The following STIP1 variants were observed in gnomAD, a reference collection of about 807,000 sequenced individuals.
STIP1 encodes the protein stress-induced-phosphoprotein 1.
STIP1 carries 16 observed loss-of-function variants against 77.4 expected under a neutral mutation model. The observed-to-expected ratio is 0.21, with a 90% CI of 0.14 to 0.31. The LOEUF (loss-of-function observed/expected upper bound fraction) is 0.31, where lower values mean the gene tolerates loss of function less well. STIP1 is among the 10% of genes least tolerant of loss of function. The pLI is 1.00. For synonymous variants in STIP1, 258 were observed against 246.6 expected (o/e 1.05, Z -0.44); for missense variants, 524 against 684.8 (o/e 0.77, Z 2.62).
intron 1 of STIP1, among the ~76,000 whole-genome samples, chr11:64,192,094 C>G (rs1362431799): frequency 6.6e-6 from 1 of 152,122 alleles, no homozygotes; most frequent in African/African-American, 2.4e-5. Context: ...GTGTGGATCA[C>G]CTGAGGTCAG....
At chr11:64,193,007 T>A (rs1277335594) in intron 1 of STIP1, 71 bp from the exon 2 acceptor site, 2 of 1,421,148 alleles carry the variant, frequency 1.4e-6, no homozygotes, top group East Asian at 4.7e-5. Flanking sequence ...CATGAAAGAA[T>A]GAGTGTTGTC....
intron 13 of STIP1, 155 bp downstream of exon 13, chr11:64,203,777 G>A (rs1342417731): frequency 1.9e-6 from 2 of 1,030,090 alleles, no homozygotes; most frequent in Admixed American, 4.7e-5. Flanking sequence ...GTGGCGAGCT[G>A]GAAGGGCTTT....
At chr11:64,185,558 C>CG, upstream of STIP1, 2 of 496,562 alleles carry the variant, frequency 4.0e-6, no homozygotes, top group Non-Finnish European at 7.2e-6. Context: ...TCCCGATGCG[C>CG]GGGCGAAGGG....
intron 8 of STIP1, among the ~76,000 whole-genome samples, chr11:64,198,213 G>A (rs745946421): frequency 1.2e-4 from 18 of 151,678 alleles, no homozygotes; most frequent in African/African-American, 2.7e-4. Flanking sequence ...GTGCCACCAC[G>A]TCCAGCTAAT....
intron 1 of STIP1, among the ~76,000 whole-genome samples, chr11:64,189,091 G>T (rs1428116200): frequency 6.6e-6 from 1 of 152,236 alleles, no homozygotes; most frequent in African/African-American, 2.4e-5. Context: ...GGCCGGGCGT[G>T]CTGGCTCACG....
chr11:64,190,961 G>T (rs1946085698), intron 1 of STIP1, among the ~76,000 whole-genome samples: 3 of 152,114 alleles, frequency 2.0e-5, no homozygotes, highest in Non-Finnish European at 4.4e-5. Flanking sequence ...GCCAAGGCAG[G>T]CAGATCACCT....
chr11:64,191,325 T>G (rs527925820), intron 1 of STIP1, among the ~76,000 whole-genome samples: 2 of 151,388 alleles, frequency 1.3e-5, no homozygotes, highest in East Asian at 3.9e-4. Context: ...AAAATAAATA[T>G]GGCCAGGCGC....
intron 12 of STIP1, 107 bp from the exon 13 acceptor site, chr11:64,203,343 T>C: frequency 6.3e-7 from 1 of 1,579,554 alleles, no homozygotes; most frequent in South Asian, 1.1e-5. Context: ...GTTTCTCTCT[T>C]ACTTGTTCTC....
chr11:64,195,876 A>G (rs755416532), intron 5 of STIP1, 63 bp downstream of exon 5: 1 of 1,602,818 alleles, frequency 6.2e-7, no homozygotes, highest in Non-Finnish European at 8.5e-7. Flanking sequence ...TTTATGTTGA[A>G]TGGGGACATC....
upstream of STIP1, chr11:64,185,654 C>A: frequency 1.1e-6 from 1 of 911,776 alleles, no homozygotes; most frequent in African/African-American, 1.7e-5. Context: ...CCAGAGGCCC[C>A]GCAGCCGCCG....
chr11:64,195,912 T>C, intron 5 of STIP1, 99 bp downstream of exon 5: 1 of 1,537,390 alleles, frequency 6.5e-7, no homozygotes, highest in South Asian at 1.2e-5. Flanking sequence ...ACCATGATTA[T>C]TATGGTTTTT....
At chr11:64,198,062 C>CTT (rs35235491) in intron 8 of STIP1, 88 bp downstream of exon 8, 162,935 of 1,276,594 alleles carry the variant, frequency 0.13, 1,622 homozygotes, top group Admixed American at 0.16. Flanking sequence ...ATGAACTTGA[C>CTT]TTTTTTTTTT....
At chr11:64,191,621 A>G (rs1565278575) in intron 1 of STIP1, among the ~76,000 whole-genome samples, 1 of 152,098 alleles carries the variant, frequency 6.6e-6, no homozygotes, top group Non-Finnish European at 1.5e-5. Context: ...TAATAATAAT[A>G]AATACAATGA....
At position 64,204,311 on chromosome 11, in the gene STIP1, C is replaced by T. The variant is rs2134815601; in HGVS notation, c.*185C>T. ...GTTTGTGCCGCCGCTGCCTCTGGGCCCTCCCAGCACACGCATGGTCTCTTC... is the reference window on the plus strand; with the variant it reads ...GTTTGTGCCGCCGCTGCCTCTGGGCTCTCCCAGCACACGCATGGTCTCTTC... On this transcript the variant is annotated 3_prime_UTR_variant, in exon 14 of 14. Transcript: ENST00000305218. The T allele has an allele frequency of 3.3e-6, 2 of 607,744 alleles. No individual in the cohort carries two copies. Among genetic ancestry groups the T allele is most frequent in the East Asian group, 5.7e-5 (2 of 34,910 alleles). The allele number at this position is 607,744 out of a possible 1,614,324, so 37.6% of individuals were successfully genotyped here. A position where few individuals can be genotyped will look rare whatever the true frequency, so the allele number is the denominator to read the frequency against.
In STIP1 at chr11:64,195,682, G is replaced by A. The variant is rs146196173; in HGVS notation, c.541G>A (p.Val181Ile). The change falls in exon 5 of 14, where the codon GTC (valine) becomes ATC (isoleucine). Residue 181 changes from valine (V) to isoleucine (I), a missense_variant. Transcript: ENST00000305218. ...TCCCCGGATCATGACCACTCTCAGC[G>A]TCCTCCTTGGGGTCGATCTGGGCAG... ...QDPRIMTTLS[V>I]LLGVDLGSMD... The A allele has an allele frequency of 1.3e-5, 21 of 1,613,668 alleles. No individual in the cohort carries two copies. Among genetic ancestry groups the A allele is most frequent in the African/African-American group, 6.7e-5 (5 of 74,840 alleles).
chr11:64,193,519 C>G (rs993426653), intron 2 of STIP1: 1 of 516,388 alleles, frequency 1.9e-6, no homozygotes, highest in Non-Finnish European at 3.5e-6. Flanking sequence ...CGCGGTGACG[C>G]ACGCCTGTGA....
intron 8 of STIP1, among the ~76,000 whole-genome samples, chr11:64,198,391 T>C (rs946160132): frequency 2.6e-5 from 4 of 152,162 alleles, no homozygotes; most frequent in Non-Finnish European, 4.4e-5. Flanking sequence ...TTTTGTATTT[T>C]TAGTAGAGAT....
In STIP1 at chr11:64,203,466, A is replaced by G. The variant is rs2134813023; in HGVS notation, c.1403A>G (p.Tyr468Cys). Residue 468 changes from tyrosine to cysteine, a missense_variant, in exon 13 of 14, where the codon TAC becomes TGC. Tyr to Cys is a radical substitution (Grantham distance 194). Transcript: ENST00000305218. ...GGACTGCAGGAGGCGGCAGACGGCTACCAGCGCTGTATGATGGCGCAGTAC... is the reference window on the plus strand; with the variant it reads ...GGACTGCAGGAGGCGGCAGACGGCTGCCAGCGCTGTATGATGGCGCAGTAC... ...DSSCKEAADGYQRCMMAQYNR... is the reference protein window; with the variant it reads ...DSSCKEAADGCQRCMMAQYNR... 2 of 1,614,050 alleles carry G rather than the reference A, an allele frequency of 1.2e-6. No individual in the cohort carries two copies. The highest frequency in any genetic ancestry group is 1.7e-6 in the Non-Finnish European group (2 of 1,179,996).
At chr11:64,186,994 C>T (rs184655124) in intron 1 of STIP1, among the ~76,000 whole-genome samples, 56 of 152,140 alleles carry the variant, frequency 3.7e-4, no homozygotes, top group Non-Finnish European at 6.6e-4. Context: ...TTTTTGTATG[C>T]TTGTGTGTGT....
Sources: allele counts gnomAD v4.1 joint callset (sites outside exome capture counted in the v4.1 genomes callset), GRCh38; gene constraint gnomAD v4.1.1; transcripts MANE v1.5; gene names NCBI Gene and HGNC (gene_info 2026-07-23, HGNC 2026-07-21).